The following ATP2A3 variants were observed in gnomAD, a reference collection of about 807,000 sequenced individuals.
ATP2A3 encodes sarcoplasmic/endoplasmic reticulum calcium ATPase 3.
In ATP2A3, 61 loss-of-function variants were observed where a neutral mutation model predicts 106.8. The ratio of observed to expected loss-of-function variants is 0.57; its 90% CI spans 0.46 to 0.71. ATP2A3 has a LOEUF of 0.71. Ranked by LOEUF, ATP2A3 falls within the 30% of genes least tolerant of loss-of-function variation. The pLI is 0.00. For synonymous variants in ATP2A3, 611 were observed against 609.3 expected (o/e 1.00, Z -0.04); for missense variants, 1,201 against 1,423.5 (o/e 0.84, Z 2.52).
Position 3,937,572 on chromosome 17 carries a change from G to A in ATP2A3, c.2165C>T (p.Ser722Leu), listed in dbSNP as rs2053523189. The A allele has an allele frequency of 1.9e-6, 3 of 1,614,110 alleles. No individual in the cohort carries two copies. Among genetic ancestry groups the A allele is most frequent in the Non-Finnish European group, 1.7e-6 (2 of 1,180,024 alleles). ...CGCCGACTTGGCCACGGCCGTGCCT[G>A]AGCCCATGGCGATGCCGATCTCTGC... ...KKAEIGIAMGSGTAVAKSAAE... is the reference protein window; with the variant it reads ...KKAEIGIAMGLGTAVAKSAAE... Residue 722 changes from serine to leucine, a missense_variant, in exon 15 of 21, where the codon TCA becomes TTA. Physicochemically the swap from Ser to Leu is moderately radical, Grantham distance 145 (BLOSUM62 -2). Coordinates refer to ENST00000397041, the MANE Select transcript of ATP2A3 (RefSeq NM_005173.4).
chr17:3,945,260 ACCGGCCTGGC>A, intron 8 of ATP2A3, 112 bp from the exon 9 acceptor site: 1 of 1,022,954 alleles, frequency 9.8e-7, no homozygotes. Flanking sequence ...CGAGGGCCAA[ACCGGCCTGGC>A]CGTCCGTGCC....
chr17:3,941,669 G>A lies in ATP2A3; in HGVS notation c.1546-15C>T, dbSNP rs1230888236. 2 of 1,602,180 alleles carry A rather than the reference G, an allele frequency of 1.2e-6. No homozygotes were observed. Among genetic ancestry groups the A allele is most frequent in the Non-Finnish European group, 1.7e-6 (2 of 1,179,570 alleles). Reference sequence around the variant, plus strand: ...TCAGGAGCCCCCTGCGAGGTGGGGAGAGGGAGAAGAGGTAACTCATCAGTC... The same window carrying A: ...TCAGGAGCCCCCTGCGAGGTGGGGAAAGGGAGAAGAGGTAACTCATCAGTC... On this transcript the variant is annotated splice_polypyrimidine_tract_variant and intron_variant, in intron 12 of 20. Transcript: ENST00000397041.
intron 7 of ATP2A3, among the ~76,000 whole-genome samples, chr17:3,948,760 C>T (rs945565651): frequency 6.6e-6 from 1 of 152,100 alleles, no homozygotes; most frequent in Non-Finnish European, 1.5e-5. Flanking sequence ...CCTGGAGCAA[C>T]AGCTCTCAGA....
intron 1 of ATP2A3, among the ~76,000 whole-genome samples, chr17:3,954,678 G>A (rs1023585100): frequency 6.6e-6 from 1 of 151,944 alleles, no homozygotes; most frequent in Non-Finnish European, 1.5e-5. Context: ...TGTATTTTTA[G>A]TAGAAATGGG....
intron 1 of ATP2A3, among the ~76,000 whole-genome samples, chr17:3,956,652 G>C (rs1462083970): frequency 6.6e-6 from 1 of 152,186 alleles, no homozygotes; most frequent in Non-Finnish European, 1.5e-5. Context: ...CCATCGACCT[G>C]GGTCACAGAA....
chr17:3,951,133 A>G, intron 5 of ATP2A3, 118 bp downstream of exon 5: 1 of 1,044,656 alleles, frequency 9.6e-7, no homozygotes, highest in South Asian at 3.0e-5. Context: ...AGATTGCGCC[A>G]CTGCACTCCA....
rs778239119 is a variant in ATP2A3 at position 3,935,260 on chromosome 17, T to C, written c.2542A>G (p.Thr848Ala). ...LAIGVYVGLATVAAATWWFVY... is the reference protein window; with the variant it reads ...LAIGVYVGLAAVAAATWWFVY... ...AACCACCAGGTGGCGGCAGCCACTG[T>C]GGCCAGGCCTACGTACACTGCGGGG... Residue 848 changes from threonine to alanine, a missense_variant, in exon 17 of 21, where the codon ACA becomes GCA. Transcript: ENST00000397041. 2 of 1,613,840 alleles carry C rather than the reference T, an allele frequency of 1.2e-6. No homozygotes were observed. The highest frequency in any genetic ancestry group is 1.7e-6 in the Non-Finnish European group (2 of 1,180,002).
chr17:3,947,997 T>C lies in ATP2A3; in HGVS notation c.631-142A>G. ...CATGTTGCTAGTGCTTCCAGACTCC[T>C]GTAGCTATGTATGCACGGGGTCCCT... On this transcript the variant is annotated intron_variant, in intron 7 of 20. Coordinates refer to ENST00000397041, the MANE Select transcript of ATP2A3 (RefSeq NM_005173.4). The surrounding 1 kb of genome is among the most constrained non-coding windows in gnomAD (Gnocchi z 7.7). The C allele has an allele frequency of 2.5e-6, 2 of 791,518 alleles. No individual in the cohort carries two copies. The highest frequency in any genetic ancestry group is 4.1e-6 in the Non-Finnish European group (2 of 493,304). 49.0% of individuals were successfully genotyped at this position (791,518 alleles called of 1,614,324 possible).
chr17:3,964,145 C>A, intron 1 of ATP2A3, 29 bp downstream of exon 1: 1 of 1,105,956 alleles, frequency 9.0e-7, no homozygotes, highest in South Asian at 4.0e-5. Context: ...GGCCCCCGCT[C>A]CCCGGCCCGG....
chr17:3,958,781 C>CACAT (rs1218267320), intron 1 of ATP2A3, among the ~76,000 whole-genome samples: 3,196 of 61,614 alleles, frequency 0.052, 212 homozygotes, highest in African/African-American at 0.23. Flanking sequence ...TATACACACA[C>CACAT]ATATATATAC....
Position 3,929,255 on chromosome 17 carries a change from G to C in ATP2A3, c.2862+73C>G. On this transcript the variant is annotated intron_variant, in intron 19 of 20. Transcript: ENST00000397041. The surrounding 1 kb of genome is among the most constrained non-coding windows in gnomAD (Gnocchi z 4.3). Reference sequence around the variant, plus strand: ...GGTAGTTTCCATTGCAGGGGGGCCAGAGAGGTCCAGTGACCAGCCCAGGGC... The same window carrying C: ...GGTAGTTTCCATTGCAGGGGGGCCACAGAGGTCCAGTGACCAGCCCAGGGC... 7.4e-7 allele frequency: 1 copy of C among 1,359,346 alleles called. No homozygotes were observed. The highest frequency in any genetic ancestry group is 1.0e-6 in the Non-Finnish European group (1 of 981,474). The allele number at this position is 1,359,346 out of a possible 1,614,324, so 84.2% of individuals were successfully genotyped here.
chr17:3,948,075 G>A (rs1260287643), intron 7 of ATP2A3, among the ~76,000 whole-genome samples: 1 of 152,158 alleles, frequency 6.6e-6, no homozygotes, highest in East Asian at 1.9e-4. Flanking sequence ...TGGGTTCATC[G>A]CCGTATCCCC....
intron 1 of ATP2A3, among the ~76,000 whole-genome samples, chr17:3,963,053 G>A (rs2055227084): frequency 6.6e-6 from 1 of 152,204 alleles, no homozygotes; most frequent in Non-Finnish European, 1.5e-5. Context: ...AAGGATTTCT[G>A]CTCCAGAAAG....
Position 3,951,406 on chromosome 17 carries a change from C to G in ATP2A3, c.325-17G>C. The G allele has an allele frequency of 1.2e-6, 2 of 1,613,526 alleles. No individual in the cohort carries two copies. Among genetic ancestry groups the G allele is most frequent in the South Asian group, 2.2e-5 (2 of 91,074 alleles). On this transcript the variant is annotated splice_polypyrimidine_tract_variant and intron_variant, in intron 4 of 20. Transcript: ENST00000397041. ...GTTGCGTTCCTGCAGAATAGAAGGC[C>G]GGCAGGCAGTCTGTCCCTGCTGCCC...
chr17:3,938,775 G>A (rs949684301), intron 14 of ATP2A3, among the ~76,000 whole-genome samples: 9 of 152,120 alleles, frequency 5.9e-5, no homozygotes, highest in African/African-American at 2.2e-4. Flanking sequence ...GACCTCAGGT[G>A]ATCTGCCCGC....
chr17:3,939,649 T>C (rs1019177916), intron 14 of ATP2A3, among the ~76,000 whole-genome samples: 2 of 151,690 alleles, frequency 1.3e-5, no homozygotes, highest in Non-Finnish European at 2.9e-5. Context: ...TAGCTGGGCA[T>C]GGTGGTGCGC....
intron 8 of ATP2A3, among the ~76,000 whole-genome samples, chr17:3,945,899 A>T (rs2054085597): frequency 6.6e-6 from 1 of 152,228 alleles, no homozygotes; most frequent in African/African-American, 2.4e-5. Flanking sequence ...CAGCAAGCAC[A>T]GCCCAGCATC....
chr17:3,960,063 T>C (rs2055054261), intron 1 of ATP2A3, among the ~76,000 whole-genome samples: 1 of 152,184 alleles, frequency 6.6e-6, no homozygotes, highest in Admixed American at 6.5e-5. Context: ...TCCAAAGGGC[T>C]GTGGGCAAAC....
chr17:3,947,709 C>T lies in ATP2A3; in HGVS notation c.777G>A (p.Gln259=), dbSNP rs757442358. The T allele has an allele frequency of 1.9e-6, 3 of 1,611,242 alleles. No homozygotes were observed. In the South Asian group the frequency reaches 3.3e-5, roughly 18 times the overall value. The change falls in exon 8 of 21, where the codon CAG becomes CAA. Residue 259 remains glutamine (Q), a synonymous_variant. Transcript: ENST00000397041. This position sits in a 1 kb window ranked among gnomAD's most constrained non-coding sequence, Gnocchi z 7.7. The part of the protein sequence containing the change: ...LQRKLDEFGR[Q]LSHAISVICV... ...AGATCACAGAGATGGCGTGGGACAG[C>T]TGCCGTCCAAACTCGTCCAGCTTGC... is the stretch of plus-strand genomic sequence containing the variant.
Sources: gnomAD v4.1 joint callset for allele counts (sites outside exome capture counted in the v4.1 genomes callset) on GRCh38, gnomAD v4.1.1 for gene constraint, Gnocchi (gnomAD v3.1) non-coding constraint, MANE v1.5 for transcripts, NCBI Gene and HGNC (gene_info 2026-07-23, HGNC 2026-07-21) for gene names.